The following SERPINA5 variants were observed in gnomAD, a reference collection of about 807,000 sequenced individuals.
The protein encoded by SERPINA5 is serpin family A member 5.
SERPINA5 carries 25 observed loss-of-function variants against 25.3 expected under a neutral mutation model. The observed-to-expected ratio is 0.99, with a 90% CI of 0.72 to 1.38. The LOEUF (loss-of-function observed/expected upper bound fraction) is 1.38. SERPINA5 is among the 40% of genes most tolerant of loss of function. The pLI is 0.00. For missense variants in SERPINA5, 599 were observed against 509.5 expected, an observed-to-expected ratio of 1.18 and a Z score of -1.69; for synonymous variants, 234 against 206.2, an observed-to-expected ratio of 1.14 and a Z score of -1.16.
Position 94,592,277 on chromosome 14 carries a change from G to A in SERPINA5, c.*38G>A, listed in dbSNP as rs2069990. ...CCTGAAATCTACAGGCCTCAGGGTG[G>A]GAGATGAAGGGGGCTAAGCTATGGC... On this transcript the variant is annotated 3_prime_UTR_variant, in exon 6 of 6. Coordinates refer to ENST00000329597, the MANE Select transcript of SERPINA5 (RefSeq NM_000624.6). 0.024 allele frequency: 38,374 copies of A among 1,585,086 alleles called. 549 individuals are homozygous for A. The highest frequency in any genetic ancestry group is 0.04 in the South Asian group (3,485 of 86,948).
chr14:94,584,205 A>T (rs1885003889), intron 2 of SERPINA5, among the ~76,000 whole-genome samples: 1 of 152,228 alleles, frequency 6.6e-6, no homozygotes, highest in African/African-American at 2.4e-5. Context: ...TTCCGGTTCC[A>T]TCACTCAGTA....
At chr14:94,582,213 G>GT (rs1258148044) in intron 2 of SERPINA5, 1 of 152,220 alleles carries the variant, frequency 6.6e-6, no homozygotes, top group Non-Finnish European at 1.5e-5. Context: ...AGAATTTTTA[G>GT]TTTTTCTGAA....
chr14:94,591,235 CTCCACTCCACTCA>C lies in SERPINA5; in HGVS notation c.1038+352_1038+364del, dbSNP rs1389122634. On this transcript the variant is annotated intron_variant, in intron 5 of 5. Coordinates refer to ENST00000329597, the MANE Select transcript of SERPINA5 (RefSeq NM_000624.6). The stretch of plus-strand genomic sequence containing the variant: ...TCCACTCCACTCCTCCACTCCACTC[CTCCACTCCACTCA>C]TCCACTCCACTCCTCCACTCCACTC... 1.6e-3 allele frequency among the ~76,000 whole-genome samples: 234 copies of C among 146,428 alleles called. 1 individual carries two copies. Among genetic ancestry groups the C allele is most frequent in the African/African-American group, 5.2e-3 (205 of 39,286 alleles).
rs2069975 is a variant in SERPINA5, at chr14:94,587,492, A to T, written c.130A>T (p.Ser44Cys). 5 of 1,613,986 alleles carry T rather than the reference A, an allele frequency of 3.1e-6. No individual in the cohort carries two copies. The East Asian group carries it at 1.1e-4, about 36-fold the overall frequency. ...TGTAGGTGCCACGGTGGCCCCCAGCAGCAGAAGGGACTTTACCTTTGACCT... is the reference window on the plus strand; with the variant it reads ...TGTAGGTGCCACGGTGGCCCCCAGCTGCAGAAGGGACTTTACCTTTGACCT... ...LHVGATVAPS[S>C]RRDFTFDLYR... The change falls in exon 3 of 6, where the codon AGC becomes TGC. Residue 44 changes from serine to cysteine, a missense_variant. Transcript: ENST00000329597.
In SERPINA5 at chr14:94,592,264, A is replaced by G. The variant is rs770567052; in HGVS notation, c.*25A>G. ...AGGTGGGGCTTCTCCTGAAATCTACAGGCCTCAGGGTGGGAGATGAAGGGG... is the reference window on the plus strand; with the variant it reads ...AGGTGGGGCTTCTCCTGAAATCTACGGGCCTCAGGGTGGGAGATGAAGGGG... On this transcript the variant is annotated 3_prime_UTR_variant, in exon 6 of 6. Coordinates refer to ENST00000329597, the MANE Select transcript of SERPINA5 (RefSeq NM_000624.6). 3.7e-6 allele frequency: 6 copies of G among 1,601,852 alleles called. No individual in the cohort carries two copies. The highest frequency in any genetic ancestry group is 4.3e-6 in the Non-Finnish European group (5 of 1,172,354).
At chr14:94,588,780 T>C (rs984231963) in intron 3 of SERPINA5, among the ~76,000 whole-genome samples, 2 of 152,178 alleles carry the variant, frequency 1.3e-5, no homozygotes, top group Non-Finnish European at 2.9e-5. Flanking sequence ...ATCAAGGCAC[T>C]GGCAGATGCA....
intron 2 of SERPINA5, among the ~76,000 whole-genome samples, chr14:94,584,586 T>C (rs1380611726): frequency 6.6e-6 from 1 of 151,818 alleles, no homozygotes; most frequent in Non-Finnish European, 1.5e-5. Context: ...CCACAACACA[T>C]GGCAGACTGC....
intron 2 of SERPINA5, among the ~76,000 whole-genome samples, chr14:94,585,519 C>T (rs1442367724): frequency 6.6e-6 from 1 of 152,202 alleles, no homozygotes; most frequent in Non-Finnish European, 1.5e-5. Flanking sequence ...GGCCACTCTG[C>T]AAGGGATTTC....
chr14:94,587,624 A>G lies in SERPINA5; in HGVS notation c.262A>G (p.Lys88Glu), dbSNP rs756144614. ...MLSLGAGSST[K>E]MQILEGLGLN... is the part of the protein sequence containing the mutation. ...CTCCCTGGGGGCTGGGTCCAGCACA[A>G]AGATGCAGATCCTGGAGGGCCTGGG... Residue 88 changes from lysine to glutamate, a missense_variant, in exon 3 of 6, where the codon AAG (lysine) becomes GAG (glutamate). Coordinates refer to ENST00000329597, the MANE Select transcript of SERPINA5 (RefSeq NM_000624.6). 24 of 1,613,998 alleles carry G rather than the reference A, an allele frequency of 1.5e-5. No homozygotes were observed. The highest frequency in any genetic ancestry group is 1.4e-5 in the Non-Finnish European group (16 of 1,179,988).
chr14:94,586,283 G>C lies in SERPINA5; in HGVS notation c.-17-1063G>C, dbSNP rs560230786. On this transcript the variant is annotated intron_variant, in intron 2 of 5. Coordinates refer to ENST00000329597, the MANE Select transcript of SERPINA5 (RefSeq NM_000624.6). ...GATGAAAAGATGTCTTTGCCTGCAT[G>C]GGCTGCTGTCACAAAGTCCCAGGGG... is the stretch of plus-strand genomic sequence containing the variant. Among the ~76,000 whole-genome samples, 7 of 152,288 alleles carry C rather than the reference G, an allele frequency of 4.6e-5. No individual in the cohort carries two copies. The South Asian group carries it at 1.5e-3, about 32-fold the overall frequency.
At chr14:94,582,973 C>T (rs2139921133) in intron 2 of SERPINA5, among the ~76,000 whole-genome samples, 1 of 152,140 alleles carries the variant, frequency 6.6e-6, no homozygotes, top group South Asian at 2.1e-4. Context: ...GGGGAGGGTT[C>T]CAGTAGAGAG....
chr14:94,582,014 T>C (rs895612819), intron 2 of SERPINA5: 1 of 152,208 alleles, frequency 6.6e-6, no homozygotes, highest in Non-Finnish European at 1.5e-5. Flanking sequence ...TGGCAGCTTC[T>C]GTTGTTTTCT....
chr14:94,583,323 G>T (rs902777546), intron 2 of SERPINA5, among the ~76,000 whole-genome samples: 2 of 152,198 alleles, frequency 1.3e-5, no homozygotes, highest in African/African-American at 4.8e-5. Context: ...CTTCCACTGG[G>T]GGCAGTAAGA....
chr14:94,581,549 G>A (rs1379399255), intron 1 of SERPINA5, 59 bp downstream of exon 1: 2 of 152,386 alleles, frequency 1.3e-5, no homozygotes, highest in African/African-American at 4.8e-5. Flanking sequence ...GAGGCGAGGA[G>A]AGGATGGACT....
rs751593368 is a variant in SERPINA5 at position 94,587,661 on chromosome 14, A to T, written c.299A>T (p.Gln100Leu). The T allele has an allele frequency of 1.9e-6, 3 of 1,613,938 alleles. No individual in the cohort carries two copies. The South Asian group carries it at 3.3e-5, about 18-fold the overall frequency. The change falls in exon 3 of 6, where the codon CAG (glutamine) becomes CTG (leucine). Residue 100 changes from glutamine to leucine, a missense_variant. By Grantham distance (113) the Gln-to-Leu change is moderately radical (BLOSUM62 -2). Transcript: ENST00000329597. ...CTGGAGGGCCTGGGCCTCAACCTCC[A>T]GAAAAGCTCAGAGAAGGAGCTGCAC... ...QILEGLGLNL[Q>L]KSSEKELHRG...
At chr14:94,586,896 A>C (rs1327168447) in intron 2 of SERPINA5, 2 of 158,398 alleles carry the variant, frequency 1.3e-5, no homozygotes, top group African/African-American at 4.8e-5. Flanking sequence ...GTCTGAGTTC[A>C]TAGAAGGACC....
At chr14:94,585,763 A>ATGTGTGTGTG (rs1885056238) in intron 2 of SERPINA5, among the ~76,000 whole-genome samples, 1 of 100,140 alleles carries the variant, frequency 1.0e-5, no homozygotes, top group African/African-American at 4.7e-5. Flanking sequence ...TCAGGCTCAC[A>ATGTGTGTGTG]CGTGTGTGTG....
chr14:94,587,689 A>G lies in SERPINA5; in HGVS notation c.327A>G (p.Arg109=). ...AAAGCTCAGAGAAGGAGCTGCACAG[A>G]GGCTTTCAGCAGCTCCTTCAGGAAC... is the stretch of plus-strand genomic sequence containing the variant. ...LQKSSEKELH[R]GFQQLLQELN... The change falls in exon 3 of 6, where the codon AGA becomes AGG. Residue 109 remains arginine, a synonymous_variant. Transcript: ENST00000329597. The G allele has an allele frequency of 1.2e-6, 2 of 1,614,172 alleles. No homozygotes were observed. The highest frequency in any genetic ancestry group is 1.7e-6 in the Non-Finnish European group (2 of 1,180,012).
At chr14:94,591,778 AC>A (rs1306532867) in intron 5 of SERPINA5, among the ~76,000 whole-genome samples, 1 of 152,186 alleles carries the variant, frequency 6.6e-6, no homozygotes, top group East Asian at 1.9e-4. Flanking sequence ...TCCAAAAAAT[AC>A]TTGACTCTCT....
Sources: gnomAD v4.1 joint callset for allele counts (sites outside exome capture counted in the v4.1 genomes callset) on GRCh38, gnomAD v4.1.1 for gene constraint, MANE v1.5 for transcripts, NCBI Gene and HGNC (gene_info 2026-07-23, HGNC 2026-07-21) for gene names.